Variants in CNOT7 observed in about 807,000 individuals in gnomAD.
The protein encoded by CNOT7 is CCR4-NOT transcription complex subunit 7.
A neutral mutation model predicts 37.1 loss-of-function variants in CNOT7; 4 were observed. The observed-to-expected ratio is 0.11, with a 90% confidence interval of 0.05 to 0.25. The LOEUF is 0.25. CNOT7 is among the 10% of genes least tolerant of loss of function. The pLI is 1.00. For missense variants in CNOT7, 170 were observed against 336.2 expected (o/e 0.51, Z 3.87); for synonymous variants, 128 against 115.6 (o/e 1.11, Z -0.69).
rs992443798 is a variant in CNOT7 at position 17,230,084 on chromosome 8, C to G, written c.*636G>C. ...CTAGATGTGCTTGGAAGATTAAACACTACGTACAGAAACAGCAGTTACTAA... is the reference window on the plus strand; with the variant it reads ...CTAGATGTGCTTGGAAGATTAAACAGTACGTACAGAAACAGCAGTTACTAA... On this transcript the variant is annotated 3_prime_UTR_variant, in exon 7 of 7. Transcript: ENST00000361272. The G allele has an allele frequency of 6.6e-6, 1 of 152,454 alleles. No homozygotes were observed. The highest frequency in any genetic ancestry group is 1.5e-5 in the Non-Finnish European group (1 of 67,926). 9.4% of individuals were successfully genotyped at this position (152,454 alleles called of 1,614,324 possible).
chr8:17,231,797 G>C, intron 6 of CNOT7: 8 of 985,654 alleles, frequency 8.1e-6, no homozygotes, highest in Non-Finnish European at 9.6e-6. Flanking sequence ...TTATACTCAA[G>C]GAACTGATCT....
chr8:17,232,183 C>A (rs1438218568), intron 6 of CNOT7: 4 of 1,275,864 alleles, frequency 3.1e-6, no homozygotes, highest in Admixed American at 3.7e-5. Context: ...TACATGACTT[C>A]TCAGGTAGTT....
At chr8:17,245,984 C>T (rs1435007461) in intron 1 of CNOT7, 1 of 151,750 alleles carries the variant, frequency 6.6e-6, no homozygotes, top group Non-Finnish European at 1.5e-5. Context: ...AAAAGAGGGT[C>T]TTATGACTGT....
intron 5 of CNOT7, among the ~76,000 whole-genome samples, chr8:17,233,434 CTA>C (rs980126722): frequency 1.3e-5 from 2 of 152,152 alleles, no homozygotes; most frequent in Admixed American, 6.5e-5. Flanking sequence ...GCATGGCTGA[CTA>C]TAGGTCAAAA....
At chr8:17,240,524 G>GA (rs1810020818) in intron 3 of CNOT7, among the ~76,000 whole-genome samples, 3 of 151,952 alleles carry the variant, frequency 2.0e-5, no homozygotes, top group Admixed American at 1.3e-4. Context: ...GAGTAAGAAA[G>GA]AAAAAATGTC....
At chr8:17,234,993 C>A (rs1392194671) in intron 4 of CNOT7, 133 bp from the exon 5 acceptor site, 3 of 679,054 alleles carry the variant, frequency 4.4e-6, no homozygotes, top group Non-Finnish European at 7.3e-6. Flanking sequence ...GAAGTGCACA[C>A]AAGAACAGAG....
chr8:17,243,214 T>C lies in CNOT7; in HGVS notation c.118-29A>G, dbSNP rs764031300. 13 of 1,531,966 alleles carry C rather than the reference T, an allele frequency of 8.5e-6. No homozygotes were observed. In the African/African-American group the frequency reaches 1.8e-4, roughly 21 times the overall value. The allele number at this position is 1,531,966 out of a possible 1,614,324, so 94.9% of individuals were successfully genotyped here. ...TAAAATAGTTTTAAGATTCATTATG[T>C]ACTAAACAGTCAAAACTACAATCCA... On this transcript the variant is annotated intron_variant, in intron 2 of 6. Transcript: ENST00000361272.
At chr8:17,244,296 GTA>G (rs1396545876) in intron 2 of CNOT7, 2 of 152,436 alleles carry the variant, frequency 1.3e-5, no homozygotes, top group Non-Finnish European at 1.5e-5. Flanking sequence ...TAGTAACACA[GTA>G]TATTCACAGA....
rs571188733 is a variant in CNOT7, at chr8:17,228,055, G to T, written c.*2665C>A. ...AGATAATATGTAAATTAGTGTGGCT[G>T]CATTCCAATAAAAACTTATAGACAC... is the stretch of plus-strand genomic sequence containing the variant. On this transcript the variant is annotated 3_prime_UTR_variant, in exon 7 of 7. Transcript: ENST00000361272. 1 of 151,870 alleles carries T rather than the reference G, an allele frequency of 6.6e-6. No homozygotes were observed. Among genetic ancestry groups the T allele is most frequent in the East Asian group, 1.9e-4 (1 of 5,188 alleles). 9.4% of individuals were successfully genotyped at this position (151,870 alleles called of 1,614,324 possible).
intron 4 of CNOT7, among the ~76,000 whole-genome samples, chr8:17,235,710 A>G (rs1047115415): frequency 6.6e-6 from 1 of 152,216 alleles, no homozygotes; most frequent in Admixed American, 6.5e-5. Flanking sequence ...TAACATTAAA[A>G]GATTATATTA....
intron 3 of CNOT7, among the ~76,000 whole-genome samples, chr8:17,239,604 GC>G (rs568077364): frequency 1.3e-5 from 2 of 151,954 alleles, no homozygotes; most frequent in East Asian, 3.9e-4. Context: ...CCATTCTCCC[GC>G]CTCAGCCTCC....
At chr8:17,233,580 C>G (rs1423439500) in intron 5 of CNOT7, among the ~76,000 whole-genome samples, 2 of 152,088 alleles carry the variant, frequency 1.3e-5, no homozygotes, top group East Asian at 3.9e-4. Context: ...TGAAAACTAT[C>G]ATTATACAGA....
chr8:17,244,937 A>G, intron 2 of CNOT7, 99 bp downstream of exon 2: 1 of 971,138 alleles, frequency 1.0e-6, no homozygotes, highest in Non-Finnish European at 1.5e-6. Context: ...GGTGAAATTA[A>G]TCCCTAAAAA....
intron 3 of CNOT7, 85 bp downstream of exon 3, chr8:17,242,907 A>T: frequency 1.2e-6 from 1 of 828,304 alleles, no homozygotes; most frequent in South Asian, 2.0e-5. Context: ...TTCACCTAGC[A>T]TGTCACCATA....
chr8:17,236,591 G>T (rs530893765), intron 4 of CNOT7, among the ~76,000 whole-genome samples: 2 of 152,012 alleles, frequency 1.3e-5, no homozygotes, highest in South Asian at 4.2e-4. Flanking sequence ...TCTTCTAAGG[G>T]ATGCCTTATC....
In CNOT7 at chr8:17,227,763, C is replaced by G. The variant is rs1350142165; in HGVS notation, c.*2957G>C. 6.6e-6 allele frequency: 1 copy of G among 151,838 alleles called. No individual in the cohort carries two copies. The highest frequency in any genetic ancestry group is 1.9e-4 in the East Asian group (1 of 5,188). 9.4% of individuals were successfully genotyped at this position (151,838 alleles called of 1,614,324 possible). ...GACACTGCATTATAAACACAATGTA[C>G]CAGCATATAATAAAATAGTCCATAT... is the stretch of plus-strand genomic sequence containing the variant. On this transcript the variant is annotated 3_prime_UTR_variant, in exon 7 of 7. Coordinates refer to ENST00000361272, the MANE Select transcript of CNOT7 (RefSeq NM_013354.7).
intron 3 of CNOT7, among the ~76,000 whole-genome samples, chr8:17,240,798 C>A (rs1810056043): frequency 1.3e-5 from 2 of 152,152 alleles, no homozygotes; most frequent in African/African-American, 4.8e-5. Flanking sequence ...CAGTGTTTCA[C>A]AGATGTAGTT....
chr8:17,244,274 A>T (rs1810585080), intron 2 of CNOT7: 1 of 152,582 alleles, frequency 6.6e-6, no homozygotes, highest in East Asian at 1.9e-4. Context: ...CACGTGCAAA[A>T]GCAGAGTTGC....
rs956784032 is a variant in CNOT7 at position 17,225,024 on chromosome 8, C to T, written c.*5696G>A. On this transcript the variant is annotated 3_prime_UTR_variant, in exon 7 of 7. Transcript: ENST00000361272. ...TTCGCAGTGATACAAGACACCTGCT[C>T]ACAACTTACAGTATTAATTTTTTAG... 2 of 151,678 alleles carry T rather than the reference C, an allele frequency of 1.3e-5. No individual in the cohort carries two copies. The highest frequency in any genetic ancestry group is 3.0e-5 in the Non-Finnish European group (2 of 67,672). 9.4% of individuals were successfully genotyped at this position (151,678 alleles called of 1,614,324 possible). A position where few individuals can be genotyped will look rare whatever the true frequency, so the allele number is the denominator to read the frequency against.
Sources: gnomAD v4.1 joint callset for allele counts (sites outside exome capture counted in the v4.1 genomes callset) on GRCh38, gnomAD v4.1.1 for gene constraint, MANE v1.5 for transcripts, NCBI Gene and HGNC (gene_info 2026-07-23, HGNC 2026-07-21) for gene names.